Variants in SLC26A7 observed in about 807,000 individuals in gnomAD.
SLC26A7 encodes the protein anion exchange transporter.
Under a neutral mutation model 82.5 loss-of-function variants are expected in SLC26A7, and 59 were observed. The ratio of observed to expected loss-of-function variants is 0.72; its 90% CI spans 0.58 to 0.89. The LOEUF is 0.89. Ranked by LOEUF, SLC26A7 falls within the 40% of genes least tolerant of loss-of-function variation. The pLI is 0.00. For missense variants in SLC26A7, 820 were observed against 793.0 expected (o/e 1.03, Z -0.41); for synonymous variants, 271 against 274.3 (o/e 0.99, Z 0.12).
intron 11 of SLC26A7, among the ~76,000 whole-genome samples, chr8:91,360,289 G>A (rs1563698806): frequency 6.6e-6 from 1 of 152,108 alleles, no homozygotes; most frequent in African/African-American, 2.4e-5. Flanking sequence ...CCTACTTAAG[G>A]TTAACACTGG....
intron 6 of SLC26A7, among the ~76,000 whole-genome samples, chr8:91,337,205 C>T (rs190195288): frequency 3.9e-5 from 6 of 151,944 alleles, no homozygotes; most frequent in Non-Finnish European, 7.4e-5. Context: ...GAGAAGAGAA[C>T]AACAGGAATA....
intron 4 of SLC26A7, among the ~76,000 whole-genome samples, chr8:91,304,215 G>A (rs1812241659): frequency 6.6e-6 from 1 of 152,150 alleles, no homozygotes; most frequent in Admixed American, 6.6e-5. Flanking sequence ...TAAACTGACT[G>A]ATATAGTTTG....
chr8:91,340,611 G>C (rs768658177), intron 8 of SLC26A7, 60 bp downstream of exon 8: 1 of 1,594,128 alleles, frequency 6.3e-7, no homozygotes, highest in African/African-American at 1.3e-5. Flanking sequence ...TGCACTCCCA[G>C]ATCCTAAAAA....
chr8:91,232,794 C>G (rs1810326698), intron 2 of SLC26A7, among the ~76,000 whole-genome samples: 1 of 152,182 alleles, frequency 6.6e-6, no homozygotes, highest in South Asian at 2.1e-4. Context: ...TTGTAATACA[C>G]CTCTATGAAG....
At chr8:91,391,053 C>T (rs1419556918) in intron 16 of SLC26A7, among the ~76,000 whole-genome samples, 2 of 152,180 alleles carry the variant, frequency 1.3e-5, no homozygotes, top group South Asian at 4.1e-4. Context: ...GAAAAGGTCT[C>T]ATGTTGTGGA....
At chr8:91,224,667 G>T (rs1352107732) in intron 2 of SLC26A7, among the ~76,000 whole-genome samples, 1 of 152,172 alleles carries the variant, frequency 6.6e-6, no homozygotes, top group Non-Finnish European at 1.5e-5. Context: ...CACCCAGTTG[G>T]GTGGCACAGG....
intron 7 of SLC26A7, among the ~76,000 whole-genome samples, chr8:91,339,840 G>C (rs1813351592): frequency 6.6e-6 from 1 of 152,086 alleles, no homozygotes; most frequent in Non-Finnish European, 1.5e-5. Flanking sequence ...TTGAAGCAGA[G>C]GGTTAGTTAG....
intron 1 of SLC26A7, among the ~76,000 whole-genome samples, chr8:91,212,843 T>G (rs1809955768): frequency 6.6e-6 from 1 of 152,204 alleles, no homozygotes; most frequent in African/African-American, 2.4e-5. Context: ...TTAAAATGGA[T>G]ATATATTTCT....
At chr8:91,252,247 A>G (rs2130699767) in intron 2 of SLC26A7, among the ~76,000 whole-genome samples, 1 of 152,138 alleles carries the variant, frequency 6.6e-6, no homozygotes, top group Non-Finnish European at 1.5e-5. Context: ...TTTATGTTTC[A>G]ATCTAGTAGT....
intron 2 of SLC26A7, among the ~76,000 whole-genome samples, chr8:91,228,928 A>G (rs1027321420): frequency 5.3e-5 from 8 of 152,236 alleles, no homozygotes; most frequent in African/African-American, 1.9e-4. Flanking sequence ...TATCTCACCA[A>G]AAGATTTTCA....
intron 2 of SLC26A7, among the ~76,000 whole-genome samples, chr8:91,271,848 C>A (rs932795308): frequency 3.9e-5 from 6 of 152,188 alleles, no homozygotes; most frequent in African/African-American, 1.4e-4. Flanking sequence ...CCTGCCTCGG[C>A]CTCTCAAAGT....
chr8:91,334,168 A>G, intron 5 of SLC26A7, 127 bp from the exon 6 acceptor site: 5 of 796,294 alleles, frequency 6.3e-6, no homozygotes, highest in South Asian at 1.9e-5. Flanking sequence ...GCCTACCTAT[A>G]TCTTTCCTCT....
At chr8:91,309,429 C>T (rs1812414421) in intron 4 of SLC26A7, among the ~76,000 whole-genome samples, 1 of 151,660 alleles carries the variant, frequency 6.6e-6, no homozygotes, top group Non-Finnish European at 1.5e-5. Context: ...CCCCCTCCAG[C>T]AGTGAGAACC....
At chr8:91,386,675 G>A (rs887494004) in intron 15 of SLC26A7, among the ~76,000 whole-genome samples, 1 of 152,084 alleles carries the variant, frequency 6.6e-6, no homozygotes, top group Non-Finnish European at 1.5e-5. Context: ...TCTTGGAGTG[G>A]GGATATAAGG....
chr8:91,239,474 GTA>G (rs1003012799), intron 2 of SLC26A7, among the ~76,000 whole-genome samples: 5 of 146,108 alleles, frequency 3.4e-5, no homozygotes, highest in African/African-American at 1.0e-4. Context: ...GTGTATATAT[GTA>G]TATATATGTG....
chr8:91,303,651 G>A (rs948070724), intron 4 of SLC26A7, among the ~76,000 whole-genome samples: 1 of 152,126 alleles, frequency 6.6e-6, no homozygotes, highest in African/African-American at 2.4e-5. Context: ...GGAGACACAT[G>A]GTCTTATGTC....
In SLC26A7 at chr8:91,241,694, A is replaced by G. The variant is rs576023555; in HGVS notation, c.-33-7925A>G. Among the ~76,000 whole-genome samples the G allele has an allele frequency of 9.9e-5, 15 of 152,242 alleles. No individual in the cohort carries two copies. The South Asian group carries it at 2.9e-3, about 29-fold the overall frequency. ...TGCACACTTACTCATATTTCTATGG[A>G]CACAATAATTGTCTTGAAAAACATT... On this transcript the variant is annotated intron_variant, in intron 2 of 5. Coordinates refer to the SLC26A7 transcript ENST00000522862.
intron 2 of SLC26A7, among the ~76,000 whole-genome samples, chr8:91,240,894 A>C (rs1209035140): frequency 6.6e-6 from 1 of 152,174 alleles, no homozygotes; most frequent in Non-Finnish European, 1.5e-5. Flanking sequence ...GTGTTGAGTG[A>C]GACCCTCAAA....
intron 14 of SLC26A7, among the ~76,000 whole-genome samples, chr8:91,368,436 TGA>T (rs1220819958): frequency 6.5e-4 from 98 of 151,900 alleles, no homozygotes; most frequent in African/African-American, 2.1e-3. Flanking sequence ...TTTTTTTTTT[TGA>T]GACGGAGTCT....
Sources: gnomAD v4.1 joint callset for allele counts (sites outside exome capture counted in the v4.1 genomes callset) on GRCh38, gnomAD v4.1.1 for gene constraint, MANE v1.5 for transcripts, NCBI Gene and HGNC (gene_info 2026-07-23, HGNC 2026-07-21) for gene names.